The following FBXO25 variants were observed in gnomAD, a reference collection of about 807,000 sequenced individuals.
FBXO25 encodes the protein F-box only protein 25.
In FBXO25, 45 loss-of-function variants were observed where a neutral mutation model predicts 51.9. The ratio of observed to expected loss-of-function variants is 0.87; its 90% CI spans 0.68 to 1.11. FBXO25 has a LOEUF of 1.11. FBXO25 is among the 50% of genes most tolerant of loss of function. The pLI, the probability that FBXO25 is intolerant of heterozygous loss-of-function variation, is 0.00. For missense variants in FBXO25, 507 were observed against 428.5 expected, an observed-to-expected ratio of 1.18 and a Z score of -1.62; for synonymous variants, 199 against 151.0, an observed-to-expected ratio of 1.32 and a Z score of -2.33.
At chr8:413,408 T>C (rs1312545059) in intron 2 of FBXO25, among the ~76,000 whole-genome samples, 195 bp downstream of exon 2, 1 of 148,684 alleles carries the variant, frequency 6.7e-6, no homozygotes, top group Admixed American at 6.7e-5. Flanking sequence ...GCTTTCGTCT[T>C]TTTTTTTTTA....
chr8:407,649 C>T (rs1344772098), intron 1 of FBXO25, among the ~76,000 whole-genome samples: 1 of 152,076 alleles, frequency 6.6e-6, no homozygotes, highest in Non-Finnish European at 1.5e-5. Flanking sequence ...GTTTGCCCTC[C>T]GGGCTCGGTC....
intron 1 of FBXO25, among the ~76,000 whole-genome samples, chr8:411,025 T>C (rs191029522): frequency 1.8e-3 from 268 of 152,336 alleles, no homozygotes; most frequent in African/African-American, 6.2e-3. Flanking sequence ...TTGTTTTTTG[T>C]TAATTATACT....
At chr8:427,997 C>T (rs1797595816) in intron 2 of FBXO25, among the ~76,000 whole-genome samples, 1 of 152,048 alleles carries the variant, frequency 6.6e-6, no homozygotes, top group Non-Finnish European at 1.5e-5. Context: ...AGGGAAATAC[C>T]ATCAGAGGAA....
chr8:451,601 A>G lies in FBXO25; in HGVS notation c.660+148A>G. The stretch of plus-strand genomic sequence containing the variant: ...ATTCATTAAATTGTTTTAAAATAGA[A>G]AAGGACCAAAGACCCCAATGGCTTA... On this transcript the variant is annotated intron_variant, in intron 7 of 9. Transcript: ENST00000350302. 2 of 800,748 alleles carry G rather than the reference A, an allele frequency of 2.5e-6. 1 individual carries two copies. The highest frequency in any genetic ancestry group is 3.8e-6 in the Non-Finnish European group (2 of 526,956). The allele number at this position is 800,748 out of a possible 1,614,324, so 49.6% of individuals were successfully genotyped here.
At position 469,055 on chromosome 8, in the gene FBXO25, A is replaced by T. The variant is rs1053307501; in HGVS notation, c.*251A>T. ...CATATTAAAATGTGAAATTTTGCGT[A>T]CTCTCTCTCTCTATATATATAGTTC... On this transcript the variant is annotated 3_prime_UTR_variant, in exon 10 of 10. Coordinates refer to ENST00000350302, the MANE Select transcript of FBXO25 (RefSeq NM_183420.2). 2.5e-5 allele frequency: 11 copies of T among 440,264 alleles called. No homozygotes were observed. The highest frequency in any genetic ancestry group is 2.4e-4 in the Admixed American group (6 of 24,610). 27.3% of individuals were successfully genotyped at this position (440,264 alleles called of 1,614,324 possible).
At chr8:435,331 C>T in intron 4 of FBXO25, 1 of 427,500 alleles carries the variant, frequency 2.3e-6, no homozygotes, top group Non-Finnish European at 4.2e-6. Context: ...AGTTTGTCCC[C>T]AACAAAACAA....
At chr8:438,733 A>G (rs1472296069) in intron 5 of FBXO25, among the ~76,000 whole-genome samples, 1 of 152,148 alleles carries the variant, frequency 6.6e-6, no homozygotes, top group East Asian at 1.9e-4. Flanking sequence ...CTTTCAAGAA[A>G]CTTTGAAATC....
chr8:476,824 A>T lies in FBXO25; in HGVS notation c.*8020A>T, dbSNP rs1294438092. ...CTGCTCTAATCTTTATTATTATTAT[A>T]ATCATCTCCATTCTGCTGGCTTTGG... On this transcript the variant is annotated 3_prime_UTR_variant, in exon 10 of 10. Transcript: ENST00000350302. 4.6e-5 allele frequency: 7 copies of T among 151,630 alleles called. No homozygotes were observed. The highest frequency in any genetic ancestry group is 1.2e-4 in the African/African-American group (5 of 41,172). The allele number at this position is 151,630 out of a possible 1,614,324, so 9.4% of individuals were successfully genotyped here. A position where few individuals can be genotyped will look rare whatever the true frequency, so the allele number is the denominator to read the frequency against.
At chr8:458,589 T>C in intron 8 of FBXO25, 38 bp downstream of exon 8, 1 of 1,600,356 alleles carries the variant, frequency 6.2e-7, no homozygotes, top group Non-Finnish European at 8.5e-7. Context: ...AGGCTGGGAG[T>C]TTATAGACTC....
intron 9 of FBXO25, among the ~76,000 whole-genome samples, chr8:467,414 A>G (rs1008635068): frequency 9.9e-5 from 15 of 152,238 alleles, no homozygotes; most frequent in African/African-American, 3.6e-4. Context: ...GAATAATTTT[A>G]AAGGTTATTT....
At chr8:439,327 G>A (rs375731868) in intron 5 of FBXO25, among the ~76,000 whole-genome samples, 3 of 152,166 alleles carry the variant, frequency 2.0e-5, no homozygotes, top group East Asian at 3.9e-4. Flanking sequence ...GGCAGTGCAC[G>A]GCGTGAAAGC....
chr8:444,974 C>A (rs1798647391), intron 5 of FBXO25, among the ~76,000 whole-genome samples: 1 of 152,176 alleles, frequency 6.6e-6, no homozygotes, highest in East Asian at 1.9e-4. Flanking sequence ...TAAAAAACTT[C>A]CTACAATATT....
chr8:412,700 A>G (rs1429634544), intron 1 of FBXO25, among the ~76,000 whole-genome samples: 1 of 152,210 alleles, frequency 6.6e-6, no homozygotes, highest in Non-Finnish European at 1.5e-5. Flanking sequence ...GTTGCTGAAC[A>G]TGAATACATT....
chr8:435,551 T>C (rs1232106928), intron 4 of FBXO25, 64 bp from the exon 5 acceptor site: 18 of 1,563,612 alleles, frequency 1.2e-5, no homozygotes, highest in Non-Finnish European at 1.5e-5. Flanking sequence ...CACAATTAAT[T>C]GACATTAACT....
intron 2 of FBXO25, among the ~76,000 whole-genome samples, chr8:419,817 A>G (rs1797041179): frequency 6.6e-6 from 1 of 152,204 alleles, no homozygotes; most frequent in African/African-American, 2.4e-5. Context: ...TTTGCATTTT[A>G]TCAAAATTTT....
intron 2 of FBXO25, among the ~76,000 whole-genome samples, chr8:419,801 C>G (rs917660525): frequency 3.9e-5 from 6 of 151,990 alleles, no homozygotes; most frequent in Non-Finnish European, 7.4e-5. Flanking sequence ...GAAAAAAAAT[C>G]TATAATTTGC....
intron 9 of FBXO25, among the ~76,000 whole-genome samples, chr8:465,424 C>G (rs186600415): frequency 2.7e-4 from 41 of 152,222 alleles, no homozygotes; most frequent in African/African-American, 9.9e-4. Flanking sequence ...AGGGAAAATA[C>G]CATTCATAGA....
intron 7 of FBXO25, among the ~76,000 whole-genome samples, chr8:458,128 G>A (rs1799573566): frequency 6.6e-6 from 1 of 152,226 alleles, no homozygotes; most frequent in Non-Finnish European, 1.5e-5. Flanking sequence ...AGGTGCAGCA[G>A]TAGGGCCTCA....
chr8:427,653 G>C (rs1220523327), intron 2 of FBXO25, among the ~76,000 whole-genome samples: 3 of 147,904 alleles, frequency 2.0e-5, no homozygotes, highest in African/African-American at 7.6e-5. Flanking sequence ...TGGCCACTCA[G>C]GGAAGTTGAG....
Sources: gnomAD v4.1 joint callset for allele counts (sites outside exome capture counted in the v4.1 genomes callset) on GRCh38, gnomAD v4.1.1 for gene constraint, MANE v1.5 for transcripts, NCBI Gene and HGNC (gene_info 2026-07-23, HGNC 2026-07-21) for gene names.